Variants in NANP observed in about 807,000 individuals in gnomAD.
NANP encodes N-acetylneuraminic acid phosphatase.
A neutral mutation model predicts 16.9 loss-of-function variants in NANP; 15 were observed. The ratio of observed to expected loss-of-function variants is 0.89; its 90% confidence interval spans 0.59 to 1.37. The LOEUF (loss-of-function observed/expected upper bound fraction) is 1.37, where lower values mean the gene tolerates loss of function less well. Ranked by LOEUF, NANP falls within the 40% of genes most tolerant of loss-of-function variation. The pLI is 0.00. For synonymous variants in NANP, 135 were observed against 112.6 expected, an observed-to-expected ratio of 1.20 and a Z score of -1.26; for missense variants, 290 against 303.5, an observed-to-expected ratio of 0.96 and a Z score of 0.33.
intron 1 of NANP, among the ~76,000 whole-genome samples, chr20:25,620,264 T>C (rs2065359200): frequency 6.6e-6 from 1 of 152,168 alleles, no homozygotes; most frequent in African/African-American, 2.4e-5. Context: ...ACTTTGTGTC[T>C]GACTGGTAAG....
In NANP at chr20:25,613,936, C is replaced by CT; in HGVS notation, c.*1988dup. On this transcript the variant is annotated 3_prime_UTR_variant, in exon 2 of 2. Coordinates refer to ENST00000304788, the MANE Select transcript of NANP (RefSeq NM_152667.3). Reference sequence around the variant, plus strand: ...CCCCCTGCAGCACACGCCAACCAATCTATCAGAGCAATCATGCATGTGACT... The same window carrying CT: ...CCCCCTGCAGCACACGCCAACCAATCTTATCAGAGCAATCATGCATGTGACT... 3 of 398,116 alleles carry CT rather than the reference C, an allele frequency of 7.5e-6. No individual in the cohort carries two copies. The highest frequency in any genetic ancestry group is 1.3e-5 in the Non-Finnish European group (3 of 225,858). The allele number at this position is 398,116 out of a possible 1,614,324, so 24.7% of individuals were successfully genotyped here.
chr20:25,621,068 C>T (rs749722991), intron 1 of NANP, among the ~76,000 whole-genome samples: 1 of 152,016 alleles, frequency 6.6e-6, no homozygotes, highest in East Asian at 1.9e-4. Flanking sequence ...GGATCCAGCA[C>T]GACAGAAGGG....
intron 1 of NANP, among the ~76,000 whole-genome samples, chr20:25,620,112 T>C (rs2065358767): frequency 6.6e-6 from 1 of 152,244 alleles, no homozygotes; most frequent in Non-Finnish European, 1.5e-5. Flanking sequence ...TCAGCATTCA[T>C]TTATTAGTTC....
At position 25,615,730 on chromosome 20, in the gene NANP, T is replaced by C. The variant is rs2065340307; in HGVS notation, c.*195A>G. On this transcript the variant is annotated 3_prime_UTR_variant, in exon 2 of 2. Coordinates refer to ENST00000304788, the MANE Select transcript of NANP (RefSeq NM_152667.3). Reference sequence around the variant, plus strand: ...AATTCATGCAATCTGAATTTTCAGATATAAGTACCACTCAATGGTTGGTTG... The same window carrying C: ...AATTCATGCAATCTGAATTTTCAGACATAAGTACCACTCAATGGTTGGTTG... The C allele has an allele frequency of 1.8e-6, 1 of 566,710 alleles. No individual in the cohort carries two copies. Among genetic ancestry groups the C allele is most frequent in the Non-Finnish European group, 3.0e-6 (1 of 329,624 alleles). The allele number at this position is 566,710 out of a possible 1,614,324, so 35.1% of individuals were successfully genotyped here. A position where few individuals can be genotyped will look rare whatever the true frequency, so the allele number is the denominator to read the frequency against.
Position 25,614,957 on chromosome 20 carries a change from A to G in NANP, c.*968T>C, listed in dbSNP as rs961701153. 1 of 152,226 alleles carries G rather than the reference A, an allele frequency of 6.6e-6. No individual in the cohort carries two copies. The highest frequency in any genetic ancestry group is 2.4e-5 in the African/African-American group (1 of 41,392). The allele number at this position is 152,226 out of a possible 1,614,324, so 9.4% of individuals were successfully genotyped here. A position where few individuals can be genotyped will look rare whatever the true frequency, so the allele number is the denominator to read the frequency against. On this transcript the variant is annotated 3_prime_UTR_variant, in exon 2 of 2. Transcript: ENST00000304788. Reference sequence around the variant, plus strand: ...AGCCGAGATGGTGCCATGGCACTCCAACCTGGGCGACAGAGATCCCATTTC... The same window carrying G: ...AGCCGAGATGGTGCCATGGCACTCCGACCTGGGCGACAGAGATCCCATTTC...
rs143861363 is a variant in NANP, at chr20:25,614,122, A to G, written c.*1803T>C. On this transcript the variant is annotated 3_prime_UTR_variant, in exon 2 of 2. Transcript: ENST00000304788. ...TCAAGGGCACAATCACATTTTTAAA[A>G]ATCTAGAGCGAAAAGTAAACACGAA... is the stretch of plus-strand genomic sequence containing the variant. 2 of 324,782 alleles carry G rather than the reference A, an allele frequency of 6.2e-6. No homozygotes were observed. Among genetic ancestry groups the G allele is most frequent in the Admixed American group, 4.9e-5 (1 of 20,474 alleles). The allele number at this position is 324,782 out of a possible 1,614,324, so 20.1% of individuals were successfully genotyped here. A position where few individuals can be genotyped will look rare whatever the true frequency, so the allele number is the denominator to read the frequency against.
Position 25,614,944 on chromosome 20 carries a change from G to A in NANP, c.*981C>T. 1 of 152,252 alleles carries A rather than the reference G, an allele frequency of 6.6e-6. No homozygotes were observed. Among genetic ancestry groups the A allele is most frequent in the Non-Finnish European group, 1.5e-5 (1 of 68,176 alleles). The allele number at this position is 152,252 out of a possible 1,614,324, so 9.4% of individuals were successfully genotyped here. A position where few individuals can be genotyped will look rare whatever the true frequency, so the allele number is the denominator to read the frequency against. ...AGAGGTTGCAGTGAGCCGAGATGGT[G>A]CCATGGCACTCCAACCTGGGCGACA... On this transcript the variant is annotated 3_prime_UTR_variant, in exon 2 of 2. Transcript: ENST00000304788.
intron 1 of NANP, among the ~76,000 whole-genome samples, chr20:25,622,869 C>T (rs1021378096): frequency 6.6e-6 from 1 of 152,128 alleles, no homozygotes; most frequent in African/African-American, 2.4e-5. Flanking sequence ...ACATGGCTGT[C>T]AAGAGAGACA....
intron 1 of NANP, among the ~76,000 whole-genome samples, chr20:25,623,366 G>A (rs1369878536): frequency 6.6e-6 from 1 of 152,250 alleles, no homozygotes; most frequent in African/African-American, 2.4e-5. Flanking sequence ...CAGGGCTTAA[G>A]TCCAGGCTCG....
intron 1 of NANP, among the ~76,000 whole-genome samples, chr20:25,616,993 C>G (rs959169241): frequency 1.3e-5 from 2 of 152,164 alleles, no homozygotes; most frequent in Non-Finnish European, 2.9e-5. Flanking sequence ...TCAGGACCAG[C>G]ATGAGCAACA....
In NANP at chr20:25,616,284, A is replaced by G. The variant is rs2065343105; in HGVS notation, c.388T>C (p.Leu130=). 1.2e-6 allele frequency: 2 copies of G among 1,614,178 alleles called. No individual in the cohort carries two copies. The highest frequency in any genetic ancestry group is 1.7e-6 in the Non-Finnish European group (2 of 1,180,026). Residue 130 remains leucine (L), a synonymous_variant, in exon 2 of 2, where the codon TTA becomes CTA. Coordinates refer to ENST00000304788, the MANE Select transcript of NANP (RefSeq NM_152667.3). ...ELRKEVRLLL[L]TNGDRQTQRE... ...TGGGTCTGTCTGTCCCCATTCGTTA[A>G]TAGAAGTAGGCGGACCTCCTTTCGA... is the stretch of plus-strand genomic sequence containing the variant.
chr20:25,617,856 C>A (rs6037159), intron 1 of NANP, among the ~76,000 whole-genome samples: 61 of 152,180 alleles, frequency 4.0e-4, no homozygotes, highest in Admixed American at 1.3e-3. Context: ...CCTCTTCCTG[C>A]GTTCCCAAGG....
intron 1 of NANP, among the ~76,000 whole-genome samples, chr20:25,617,573 G>C (rs1456239054): frequency 6.6e-6 from 1 of 152,082 alleles, no homozygotes; most frequent in Non-Finnish European, 1.5e-5. Context: ...CTGGAGTGCA[G>C]TGGTGCAATC....
chr20:25,623,028 AAACT>A (rs1307163545), intron 1 of NANP, among the ~76,000 whole-genome samples: 8 of 152,250 alleles, frequency 5.3e-5, no homozygotes, highest in African/African-American at 1.7e-4. Flanking sequence ...AGGGACACAA[AAACT>A]AACTGATGAA....
Position 25,615,963 on chromosome 20 carries a change from A to G in NANP, c.709T>C (p.Leu237=). 1 of 1,614,010 alleles carries G rather than the reference A, an allele frequency of 6.2e-7. No homozygotes were observed. The highest frequency in any genetic ancestry group is 8.5e-7 in the Non-Finnish European group (1 of 1,179,974). ...CTGACTTTGCAGTCTATACTTTGTAAGAGAGCAGGTAACTCTAGCACAGAA... is the reference window on the plus strand; with the variant it reads ...CTGACTTTGCAGTCTATACTTTGTAGGAGAGCAGGTAACTCTAGCACAGAA... ...VSSVLELPAL[L]QSIDCKVSMS... Residue 237 remains leucine (L), a synonymous_variant, in exon 2 of 2, where the codon TTA becomes CTA. Coordinates refer to ENST00000304788, the MANE Select transcript of NANP (RefSeq NM_152667.3).
chr20:25,613,347 T>C lies in NANP; in HGVS notation c.*2578A>G, dbSNP rs2065329356. On this transcript the variant is annotated 3_prime_UTR_variant, in exon 2 of 2. Transcript: ENST00000304788. ...CTGGGCACTCCCAGATCTGAGATGT[T>C]CGTGCCTTGTATGTGGAGGTGCACA... 6.6e-6 allele frequency: 1 copy of C among 152,604 alleles called. No individual in the cohort carries two copies. The highest frequency in any genetic ancestry group is 1.5e-5 in the Non-Finnish European group (1 of 68,356). The allele number at this position is 152,604 out of a possible 1,614,324, so 9.5% of individuals were successfully genotyped here.
At chr20:25,616,659 G>C in intron 1 of NANP, 78 bp from the exon 2 acceptor site, 1 of 1,172,282 alleles carries the variant, frequency 8.5e-7, no homozygotes, top group Non-Finnish European at 1.2e-6. Context: ...GATCCTACAA[G>C]TGGCTGAGAG....
rs987453705 is a variant in NANP, at chr20:25,615,300, T to A, written c.*625A>T. The A allele has an allele frequency of 6.6e-6, 1 of 151,742 alleles. No individual in the cohort carries two copies. The highest frequency in any genetic ancestry group is 1.5e-5 in the Non-Finnish European group (1 of 67,920). The allele number at this position is 151,742 out of a possible 1,614,324, so 9.4% of individuals were successfully genotyped here. ...AATCTGTCACATGCCATAGAAAAAT[T>A]GCTCCCTGCCCTCTGAAAAAAAAAA... On this transcript the variant is annotated 3_prime_UTR_variant, in exon 2 of 2. Transcript: ENST00000304788.
chr20:25,623,447 C>T (rs1005031546), intron 1 of NANP, among the ~76,000 whole-genome samples: 1 of 152,230 alleles, frequency 6.6e-6, no homozygotes, highest in African/African-American at 2.4e-5. Flanking sequence ...CCAGCAACCC[C>T]GAAAGTCGCA....
Sources: allele counts gnomAD v4.1 joint callset (sites outside exome capture counted in the v4.1 genomes callset), GRCh38; gene constraint gnomAD v4.1.1; transcripts MANE v1.5; gene names NCBI Gene and HGNC (gene_info 2026-07-23, HGNC 2026-07-21).